Variants in ZRANB3 observed in about 807,000 individuals in gnomAD.
The protein encoded by ZRANB3 is DNA annealing helicase and endonuclease ZRANB3.
A neutral mutation model predicts 133.8 loss-of-function variants in ZRANB3; 125 were observed. The ratio of observed to expected loss-of-function variants is 0.93; its 90% CI spans 0.81 to 1.08. The LOEUF is 1.08. Ranked by LOEUF, ZRANB3 falls within the 50% of genes least tolerant of loss-of-function variation. ZRANB3 has a pLI of 0.00. For missense variants in ZRANB3, 1,229 were observed against 1,275.5 expected, an observed-to-expected ratio of 0.96 and a Z score of 0.56; for synonymous variants, 387 against 432.7, an observed-to-expected ratio of 0.89 and a Z score of 1.31.
chr2:135,244,674 A>G (rs953611585), intron 12 of ZRANB3, among the ~76,000 whole-genome samples: 1 of 152,112 alleles, frequency 6.6e-6, no homozygotes, highest in Non-Finnish European at 1.5e-5. Flanking sequence ...CCCCACAAAA[A>G]AAGAATTCTC....
At chr2:135,211,694 A>G (rs1558832092) in intron 17 of ZRANB3, among the ~76,000 whole-genome samples, 2 of 151,992 alleles carry the variant, frequency 1.3e-5, no homozygotes, top group African/African-American at 2.4e-5. Context: ...TTTCCTTATT[A>G]TCATAGTTTC....
chr2:135,400,841 T>A (rs1243814363), intron 2 of ZRANB3, among the ~76,000 whole-genome samples: 1 of 152,198 alleles, frequency 6.6e-6, no homozygotes, highest in Non-Finnish European at 1.5e-5. Context: ...AAAAAAACTT[T>A]ATTTATCAAC....
At chr2:135,457,452 C>A (rs376573833) in intron 2 of ZRANB3, among the ~76,000 whole-genome samples, 1 of 152,106 alleles carries the variant, frequency 6.6e-6, no homozygotes, top group Admixed American at 6.5e-5. Flanking sequence ...TAATCCACAT[C>A]CTTGTCAACA....
chr2:135,200,918 G>A (rs1252686815), intron 20 of ZRANB3, among the ~76,000 whole-genome samples: 1 of 152,054 alleles, frequency 6.6e-6, no homozygotes, highest in African/African-American at 2.4e-5. Flanking sequence ...ACCACACCCA[G>A]CTAATTTTTG....
At chr2:135,334,624 G>A (rs923820644) in intron 6 of ZRANB3, among the ~76,000 whole-genome samples, 3 of 152,000 alleles carry the variant, frequency 2.0e-5, no homozygotes, top group South Asian at 2.1e-4. Flanking sequence ...GGCCAGTCGC[G>A]GTAGCTCACG....
intron 8 of ZRANB3, among the ~76,000 whole-genome samples, chr2:135,306,887 G>T (rs569650009): frequency 2.0e-5 from 3 of 151,952 alleles, no homozygotes; most frequent in Admixed American, 1.3e-4. Flanking sequence ...ACTGTACCCA[G>T]CTTATTTTTG....
chr2:135,300,853 T>C (rs2104808335), intron 8 of ZRANB3, among the ~76,000 whole-genome samples: 1 of 152,302 alleles, frequency 6.6e-6, no homozygotes, highest in South Asian at 2.1e-4. Flanking sequence ...ACACAGCTAG[T>C]TATTCCTCTA....
At position 135,265,674 on chromosome 2, in the gene ZRANB3, C is replaced by CT. The variant is rs1336404633; in HGVS notation, c.1398dup (p.Gly467ArgfsTer7). The CT allele has an allele frequency of 1.2e-6, 2 of 1,612,734 alleles. No homozygotes were observed. The highest frequency in any genetic ancestry group is 1.7e-6 in the Non-Finnish European group (2 of 1,179,486). On this transcript the variant is annotated frameshift_variant, in exon 12 of 21. Coordinates refer to ENST00000264159, the MANE Select transcript of ZRANB3 (RefSeq NM_032143.4). LOFTEE classifies it high-confidence loss of function. ...TCTTTCCTACCGTTCAGTGTGCTCC[C>CT]TGTAACTTGAGCCTACAAGAGGAAA...
rs755816407 is a variant in ZRANB3 at position 135,217,517 on chromosome 2, G to A, written c.2443C>T (p.Leu815Phe). ...TGCTTTGTGATCTCTTCCAAAGCAAGAATTGGGCTACAGAATAGCTGTCCA... is the reference window on the plus strand; with the variant it reads ...TGCTTTGTGATCTCTTCCAAAGCAAAAATTGGGCTACAGAATAGCTGTCCA... ...KSGQLFCSPI[L>F]ALEEITKQQT... The change falls in exon 17 of 21, where the codon CTT (leucine) becomes TTT (phenylalanine). Residue 815 changes from leucine to phenylalanine, a missense_variant. By Grantham distance (22) the Leu-to-Phe change is conservative. Coordinates refer to ENST00000264159, the MANE Select transcript of ZRANB3 (RefSeq NM_032143.4). 1 of 1,613,592 alleles carries A rather than the reference G, an allele frequency of 6.2e-7. No individual in the cohort carries two copies. Among genetic ancestry groups the A allele is most frequent in the South Asian group, 1.1e-5 (1 of 90,978 alleles).
rs563212515 is a variant in ZRANB3 at position 135,456,427 on chromosome 2, G to C, written c.161+47902C>G. Among the ~76,000 whole-genome samples, 124 of 152,288 alleles carry C rather than the reference G, an allele frequency of 8.1e-4. 1 individual carries two copies. Among genetic ancestry groups the C allele is most frequent in the African/African-American group, 2.6e-3 (110 of 41,562 alleles). On this transcript the variant is annotated intron_variant, in intron 2 of 20. Transcript: ENST00000264159. ...CTTACATTACCTGTAAGGAAAGTAGGGAAAAGTAGGCTAGCTATATCCTCA... is the reference window on the plus strand; with the variant it reads ...CTTACATTACCTGTAAGGAAAGTAGCGAAAAGTAGGCTAGCTATATCCTCA...
At chr2:135,375,617 G>A (rs1251749234) in intron 3 of ZRANB3, among the ~76,000 whole-genome samples, 4 of 152,090 alleles carry the variant, frequency 2.6e-5, no homozygotes, top group East Asian at 3.9e-4. Context: ...CCTGGGAGGC[G>A]GAGCTTGCAG....
chr2:135,513,636 A>G (rs1250114952), intron 1 of ZRANB3, among the ~76,000 whole-genome samples: 1 of 152,196 alleles, frequency 6.6e-6, no homozygotes, highest in Non-Finnish European at 1.5e-5. Context: ...AAACCTTTGT[A>G]ATCTTGGGTT....
At chr2:135,418,107 T>A (rs1409934912) in intron 2 of ZRANB3, among the ~76,000 whole-genome samples, 1 of 152,012 alleles carries the variant, frequency 6.6e-6, no homozygotes, top group Admixed American at 6.6e-5. Context: ...ACTTAAAGTA[T>A]AATAATAATA....
intron 6 of ZRANB3, among the ~76,000 whole-genome samples, chr2:135,321,122 TTC>T: frequency 6.6e-6 from 1 of 152,340 alleles, no homozygotes; most frequent in South Asian, 2.1e-4. Context: ...GCATACAGAT[TTC>T]TGAGTGAACA....
In ZRANB3 at chr2:135,239,417, C is replaced by CAAA. The variant is rs11409886; in HGVS notation, c.1540-8493_1540-8491dup. ...TTTTATTTACCACAGTATAAAAAAT[C>CAAA]AAAAAAAAAAGGAAGCGAAAAAATA... is the stretch of plus-strand genomic sequence containing the variant. On this transcript the variant is annotated intron_variant, in intron 12 of 20. Transcript: ENST00000264159. Among the ~76,000 whole-genome samples the CAAA allele has an allele frequency of 9.6e-4, 141 of 146,762 alleles. 1 individual carries two copies. The highest frequency in any genetic ancestry group is 2.6e-3 in the African/African-American group (106 of 40,170).
chr2:135,271,901 G>A lies in ZRANB3; in HGVS notation c.1087-14C>T, dbSNP rs1353123961. On this transcript the variant is annotated splice_polypyrimidine_tract_variant and intron_variant, in intron 9 of 20. Coordinates refer to ENST00000264159, the MANE Select transcript of ZRANB3 (RefSeq NM_032143.4). Reference sequence around the variant, plus strand: ...AATGTAACGAGTCTAGCATCAACAAGGAAAACGGCAAAATTAGGACAAGGC... The same window carrying A: ...AATGTAACGAGTCTAGCATCAACAAAGAAAACGGCAAAATTAGGACAAGGC... 1 of 1,604,542 alleles carries A rather than the reference G, an allele frequency of 6.2e-7. No individual in the cohort carries two copies. The highest frequency in any genetic ancestry group is 2.2e-5 in the East Asian group (1 of 44,674).
At chr2:135,403,416 G>A (rs925267660) in intron 2 of ZRANB3, among the ~76,000 whole-genome samples, 10 of 152,334 alleles carry the variant, frequency 6.6e-5, no homozygotes, top group Admixed American at 5.9e-4. Context: ...AGAGGCGCCC[G>A]CCATTGCGGA....
At chr2:135,514,546 G>A (rs886318063) in intron 1 of ZRANB3, among the ~76,000 whole-genome samples, 1 of 152,204 alleles carries the variant, frequency 6.6e-6, no homozygotes, top group African/African-American at 2.4e-5. Flanking sequence ...TTTGGGCTGA[G>A]ATGATGGGGT....
chr2:135,311,238 A>G (rs750286509), intron 8 of ZRANB3, among the ~76,000 whole-genome samples: 5 of 152,208 alleles, frequency 3.3e-5, no homozygotes, highest in African/African-American at 4.8e-5. Context: ...TCATCGGGAA[A>G]AGAAAAATTA....
Sources: allele counts gnomAD v4.1 joint callset (sites outside exome capture counted in the v4.1 genomes callset), GRCh38; gene constraint gnomAD v4.1.1; transcripts MANE v1.5; gene names NCBI Gene and HGNC (gene_info 2026-07-23, HGNC 2026-07-21).